PCSK2: variants seen among roughly 807,000 people sequenced by gnomAD.
PCSK2 encodes neuroendocrine convertase 2.
In PCSK2, 14 loss-of-function variants were observed where a neutral mutation model predicts 69.7. The ratio of observed to expected loss-of-function variants is 0.20; its 90% CI spans 0.13 to 0.31. The LOEUF (loss-of-function observed/expected upper bound fraction) is 0.31, where lower values mean the gene tolerates loss of function less well. PCSK2 is among the 10% of genes least tolerant of loss of function. The pLI, the probability that PCSK2 is intolerant of heterozygous loss-of-function variation, is 1.00. For missense variants in PCSK2, 544 were observed against 842.5 expected (o/e 0.65, Z 4.39); for synonymous variants, 307 against 320.7 (o/e 0.96, Z 0.46).
chr20:17,484,331 A>C lies in PCSK2; in HGVS notation c.*2261A>C, dbSNP rs2033459312. On this transcript the variant is annotated 3_prime_UTR_variant, in exon 12 of 12. Transcript: ENST00000262545. Reference sequence around the variant, plus strand: ...TATATATAGTGCTATATATATAAATATTTGGTCTCTATTTCATTTTTTGCA... The same window carrying C: ...TATATATAGTGCTATATATATAAATCTTTGGTCTCTATTTCATTTTTTGCA... 6.6e-6 allele frequency: 1 copy of C among 152,476 alleles called. No individual in the cohort carries two copies. Among genetic ancestry groups the C allele is most frequent in the Non-Finnish European group, 1.5e-5 (1 of 67,980 alleles). The allele number at this position is 152,476 out of a possible 1,614,324, so 9.4% of individuals were successfully genotyped here.
intron 2 of PCSK2, among the ~76,000 whole-genome samples, chr20:17,335,226 A>AT (rs1297576492): frequency 1.3e-5 from 2 of 152,030 alleles, no homozygotes. Flanking sequence ...ACAGGGCTGG[A>AT]TGTCCAAGAT....
intron 2 of PCSK2, among the ~76,000 whole-genome samples, chr20:17,310,486 G>T (rs1457612635): frequency 1.3e-5 from 2 of 151,988 alleles, no homozygotes; most frequent in Admixed American, 1.3e-4. Context: ...AACTTGCCTT[G>T]TTCCTCTTAT....
intron 5 of PCSK2, among the ~76,000 whole-genome samples, chr20:17,394,488 A>G (rs2123277904): frequency 6.6e-6 from 1 of 152,286 alleles, no homozygotes; most frequent in Non-Finnish European, 1.5e-5. Flanking sequence ...AAAGTGAGGG[A>G]CATCTATTCA....
Position 17,409,348 on chromosome 20 carries a change from G to C in PCSK2, c.620+9G>C. On this transcript the variant is annotated intron_variant, in intron 6 of 11. Transcript: ENST00000262545. ...GATGACTGGTTTAACAGGTAAACTG[G>C]GCCTTGGGAGGTCTCTTTGACTTTA... The C allele has an allele frequency of 6.3e-7, 1 of 1,589,914 alleles. No homozygotes were observed. Among genetic ancestry groups the C allele is most frequent in the Non-Finnish European group, 8.6e-7 (1 of 1,158,060 alleles).
chr20:17,436,439 G>T (rs1261329287), intron 7 of PCSK2, among the ~76,000 whole-genome samples: 1 of 152,206 alleles, frequency 6.6e-6, no homozygotes, highest in Non-Finnish European at 1.5e-5. Flanking sequence ...AGCAAAGGTG[G>T]TCTCTCCCAT....
chr20:17,332,419 T>C (rs746880302), intron 2 of PCSK2, among the ~76,000 whole-genome samples: 2 of 152,184 alleles, frequency 1.3e-5, no homozygotes, highest in Non-Finnish European at 2.9e-5. Context: ...TAGCCACCTC[T>C]ATCAAAAAGC....
At chr20:17,395,706 G>A (rs1460764780) in intron 5 of PCSK2, among the ~76,000 whole-genome samples, 1 of 152,148 alleles carries the variant, frequency 6.6e-6, no homozygotes, top group Non-Finnish European at 1.5e-5. Context: ...ATGTATAATA[G>A]CAACAGACCC....
chr20:17,242,445 G>T (rs1409991543), intron 1 of PCSK2, among the ~76,000 whole-genome samples: 1 of 152,228 alleles, frequency 6.6e-6, no homozygotes, highest in Non-Finnish European at 1.5e-5. Flanking sequence ...CAGACAGAAA[G>T]ATAACAGGTT....
At chr20:17,439,384 C>T (rs747934466) in intron 8 of PCSK2, among the ~76,000 whole-genome samples, 3 of 152,058 alleles carry the variant, frequency 2.0e-5, no homozygotes, top group African/African-American at 7.2e-5. Context: ...CTTGGCCTCC[C>T]GAGGTGGGAT....
At chr20:17,369,941 A>AT (rs1406375378) in intron 5 of PCSK2, among the ~76,000 whole-genome samples, 24 of 152,318 alleles carry the variant, frequency 1.6e-4, no homozygotes, top group Middle Eastern at 3.4e-3. Flanking sequence ...CCCCCATAAC[A>AT]TTGAGAATTA....
At chr20:17,375,103 C>G (rs10485570) in intron 5 of PCSK2, among the ~76,000 whole-genome samples, 2 of 152,048 alleles carry the variant, frequency 1.3e-5, no homozygotes, top group African/African-American at 4.8e-5. Context: ...AGATAATATG[C>G]GTATCAGGCC....
At position 17,260,244 on chromosome 20, in the gene PCSK2, C is replaced by A; in HGVS notation, c.182C>A (p.Pro61His). 6.2e-7 allele frequency: 1 copy of A among 1,608,050 alleles called. No individual in the cohort carries two copies. Among genetic ancestry groups the A allele is most frequent in the Non-Finnish European group, 8.5e-7 (1 of 1,174,534 alleles). ...AEHGFGVRKLPFAEGLYHFYH... is the reference protein window; with the variant it reads ...AEHGFGVRKLHFAEGLYHFYH... ...TGTCTACTTGACTCTCCACAGCTTC[C>A]CTTTGCTGAAGGTCTGTACCACTTT... The change falls in exon 2 of 12, where the codon CCC (proline) becomes CAC (histidine). Residue 61 changes from proline to histidine, a missense_variant. Physicochemically the swap from Pro to His is moderately conservative, Grantham distance 77. Coordinates refer to ENST00000262545, the MANE Select transcript of PCSK2 (RefSeq NM_002594.5).
rs118159306 is a variant in PCSK2 at position 17,366,584 on chromosome 20, C to T, written c.506-2656C>T. On this transcript the variant is annotated intron_variant, in intron 4 of 11. Transcript: ENST00000262545. Reference sequence around the variant, plus strand: ...CATAAGCCGATTAGGAAGATGTGTTCAGTACCTCCCACCTTAAAAGATAAT... The same window carrying T: ...CATAAGCCGATTAGGAAGATGTGTTTAGTACCTCCCACCTTAAAAGATAAT... Among the ~76,000 whole-genome samples the T allele has an allele frequency of 4.6e-3, 708 of 152,334 alleles. 2 individuals are homozygous for T. The highest frequency in any genetic ancestry group is 8.6e-3 in the Non-Finnish European group (584 of 68,040).
intron 5 of PCSK2, among the ~76,000 whole-genome samples, chr20:17,379,983 G>T (rs921803999): frequency 6.6e-6 from 1 of 152,130 alleles, no homozygotes; most frequent in African/African-American, 2.4e-5. Context: ...AAGGAATGGC[G>T]GACTCCCTGG....
chr20:17,293,209 C>T (rs1364912762), intron 2 of PCSK2, among the ~76,000 whole-genome samples: 1 of 152,164 alleles, frequency 6.6e-6, no homozygotes, highest in Non-Finnish European at 1.5e-5. Context: ...GCTTGCTGAA[C>T]TCTTATTAAT....
At chr20:17,245,223 T>C (rs1986726076) in intron 1 of PCSK2, among the ~76,000 whole-genome samples, 1 of 152,226 alleles carries the variant, frequency 6.6e-6, no homozygotes, top group Non-Finnish European at 1.5e-5. Flanking sequence ...TGAGATTCTA[T>C]GAAGTGCACC....
At chr20:17,376,032 T>C (rs201415697) in intron 5 of PCSK2, among the ~76,000 whole-genome samples, 1 of 152,116 alleles carries the variant, frequency 6.6e-6, no homozygotes, top group Non-Finnish European at 1.5e-5. Context: ...CCTTGTGTGC[T>C]CCCAACTGCC....
Position 17,421,807 on chromosome 20 carries a change from TAAAAAAAAA to T in PCSK2, c.621-7605_621-7597del, listed in dbSNP as rs56376793. ...CCAGTAGCCAGGAAAGGAAGAGAGG[TAAAAAAAAA>T]AAAAAAAAAAAAAAAAAAAAAAGAC... On this transcript the variant is annotated intron_variant, in intron 6 of 11. Coordinates refer to ENST00000262545, the MANE Select transcript of PCSK2 (RefSeq NM_002594.5). Among the ~76,000 whole-genome samples the T allele has an allele frequency of 1.7e-3, 138 of 78,960 alleles. 1 individual carries two copies. Among genetic ancestry groups the T allele is most frequent in the Middle Eastern group, 0.01 (1 of 100 alleles). 51.8% of individuals were successfully genotyped at this position (78,960 alleles called of 152,430 possible).
intron 6 of PCSK2, among the ~76,000 whole-genome samples, chr20:17,427,725 G>A (rs1315004371): frequency 6.6e-6 from 1 of 152,192 alleles, no homozygotes; most frequent in Non-Finnish European, 1.5e-5. Flanking sequence ...TGTCTCCCTG[G>A]TCAGCTGGCA....
Sources: gnomAD v4.1 joint callset for allele counts (sites outside exome capture counted in the v4.1 genomes callset) on GRCh38, gnomAD v4.1.1 for gene constraint, MANE v1.5 for transcripts, NCBI Gene and HGNC (gene_info 2026-07-23, HGNC 2026-07-21) for gene names.